Variants in ANO1 observed in about 807,000 individuals in gnomAD.
The protein encoded by ANO1 is anoctamin-1.
In ANO1, 59 loss-of-function variants were observed where a neutral mutation model predicts 124.0. The observed-to-expected ratio is 0.48, with a 90% CI of 0.39 to 0.59. The LOEUF is 0.59. Ranked by LOEUF, ANO1 falls within the 20% of genes least tolerant of loss-of-function variation. The probability of loss-of-function intolerance (pLI) is 0.00; values close to 1 mark genes in which losing one functional copy is unlikely to be tolerated. For synonymous variants in ANO1, 529 were observed against 532.0 expected (o/e 0.99, Z 0.08); for missense variants, 1,059 against 1,328.0 (o/e 0.80, Z 3.15).
chr11:70,145,308 A>G (rs543547816), intron 11 of ANO1, among the ~76,000 whole-genome samples: 2 of 152,274 alleles, frequency 1.3e-5, no homozygotes, highest in East Asian at 1.9e-4. Flanking sequence ...AAAGCCAGAC[A>G]ATAGGGCATG....
intron 1 of ANO1, among the ~76,000 whole-genome samples, chr11:70,004,414 A>C (rs1471850628): frequency 1.3e-5 from 2 of 152,238 alleles, no homozygotes; most frequent in African/African-American, 4.8e-5. Flanking sequence ...GGACCATCTC[A>C]TGACTAGTCA....
intron 1 of ANO1, among the ~76,000 whole-genome samples, chr11:70,014,132 G>A (rs1856654575): frequency 6.6e-6 from 1 of 152,042 alleles, no homozygotes; most frequent in African/African-American, 2.4e-5. Flanking sequence ...TCCAAATACA[G>A]TTCCATTGCG....
intron 22 of ANO1, among the ~76,000 whole-genome samples, chr11:70,172,132 A>AAAGAAAAG (rs1555052151): frequency 2.8e-5 from 4 of 141,662 alleles, no homozygotes; most frequent in Non-Finnish European, 4.6e-5. Flanking sequence ...AAAAAAAAAA[A>AAAGAAAAG]AAAAGAAAAG....
At chr11:70,138,662 C>T (rs896383895) in intron 11 of ANO1, among the ~76,000 whole-genome samples, 1 of 152,188 alleles carries the variant, frequency 6.6e-6, no homozygotes, top group Non-Finnish European at 1.5e-5. Flanking sequence ...GATGAACAAA[C>T]TAGGGCAACC....
At chr11:70,001,251 A>ATAGAATGAT (rs1856377373) in intron 1 of ANO1, among the ~76,000 whole-genome samples, 4 of 152,320 alleles carry the variant, frequency 2.6e-5, no homozygotes, top group African/African-American at 9.6e-5. Flanking sequence ...TACATTCTAA[A>ATAGAATGAT]TAGAATGCTC....
At chr11:70,063,161 C>G (rs1857633108) in intron 1 of ANO1, among the ~76,000 whole-genome samples, 1 of 152,204 alleles carries the variant, frequency 6.6e-6, no homozygotes, top group African/African-American at 2.4e-5. Context: ...AAACTCCTGA[C>G]CTCGTGATCC....
intron 23 of ANO1, among the ~76,000 whole-genome samples, chr11:70,180,462 G>A (rs555763211): frequency 6.6e-6 from 1 of 152,184 alleles, no homozygotes; most frequent in East Asian, 1.9e-4. Context: ...TAGTAGAGAC[G>A]GGGTTTTGAC....
chr11:70,149,607 G>A lies in ANO1; in HGVS notation c.1259-103G>A, dbSNP rs191443227. The A allele has an allele frequency of 2.8e-5, 33 of 1,194,414 alleles. 1 individual carries two copies. Among genetic ancestry groups the A allele is most frequent in the Middle Eastern group, 2.3e-4 (1 of 4,258 alleles). The allele number at this position is 1,194,414 out of a possible 1,614,324, so 74.0% of individuals were successfully genotyped here. ...CGAGATTGCAGTGGGTGGAGATTGC[G>A]CCATTGCACTACAGCCTGGGCAACA... is the stretch of plus-strand genomic sequence containing the variant. On this transcript the variant is annotated intron_variant, in intron 11 of 25. Transcript: ENST00000355303.
intron 11 of ANO1, among the ~76,000 whole-genome samples, chr11:70,147,333 C>T (rs971127718): frequency 2.0e-5 from 3 of 152,194 alleles, no homozygotes; most frequent in African/African-American, 4.8e-5. Context: ...GAGACCTCCC[C>T]GCATTGCCTC....
chr11:70,156,026 G>A (rs1305499211), intron 15 of ANO1, 38 bp downstream of exon 15: 3 of 1,444,334 alleles, frequency 2.1e-6, no homozygotes, highest in Non-Finnish European at 1.8e-6. Context: ...CGTCTTGACT[G>A]TTTGCAGGCA....
At chr11:70,094,542 A>G (rs540302018) in intron 2 of ANO1, among the ~76,000 whole-genome samples, 1 of 152,174 alleles carries the variant, frequency 6.6e-6, no homozygotes, top group Admixed American at 6.5e-5. Context: ...TCAGTTCCCC[A>G]CTCCGTGTGG....
intron 19 of ANO1, 127 bp from the exon 20 acceptor site, chr11:70,165,343 T>A: frequency 1.3e-6 from 1 of 754,356 alleles, no homozygotes; most frequent in Non-Finnish European, 2.2e-6. Context: ...TGGCGGGGAT[T>A]AGAACCTGAG....
At chr11:70,175,015 C>A (rs922042820) in intron 22 of ANO1, among the ~76,000 whole-genome samples, 1 of 152,216 alleles carries the variant, frequency 6.6e-6, no homozygotes, top group Non-Finnish European at 1.5e-5. Flanking sequence ...CCCACCCCCG[C>A]CCGCCACCTG....
At chr11:70,113,759 A>G (rs530224982) in intron 7 of ANO1, among the ~76,000 whole-genome samples, 12 of 152,206 alleles carry the variant, frequency 7.9e-5, no homozygotes, top group African/African-American at 2.9e-4. Context: ...AACGTATCTG[A>G]GCACCTACTG....
intron 21 of ANO1, 91 bp downstream of exon 21, chr11:70,167,478 C>T: frequency 6.8e-7 from 1 of 1,481,436 alleles, no homozygotes; most frequent in Non-Finnish European, 9.0e-7. Context: ...GGGCATGATG[C>T]CCCCAACCCT....
At chr11:70,141,111 T>C (rs2047138397) in intron 11 of ANO1, among the ~76,000 whole-genome samples, 1 of 152,152 alleles carries the variant, frequency 6.6e-6, no homozygotes, top group African/African-American at 2.4e-5. Context: ...TGGTCCCACC[T>C]CTCTGTCCAA....
Position 70,131,961 on chromosome 11 carries a change from G to T in ANO1, c.1140G>T (p.Pro380=), listed in dbSNP as rs745644830. The change falls in exon 11 of 26, where the codon CCG becomes CCT. Residue 380 remains proline, a synonymous_variant. Transcript: ENST00000355303. ...AGAGACACAATATCACCATGTGCCCGCTTTGCGACAAGACCTGCAGCTACT... is the reference window on the plus strand; with the variant it reads ...AGAGACACAATATCACCATGTGCCCTCTTTGCGACAAGACCTGCAGCTACT... ...CDQRHNITMC[P]LCDKTCSYWK... 1.2e-6 allele frequency: 2 copies of T among 1,609,832 alleles called. No homozygotes were observed. Among genetic ancestry groups the T allele is most frequent in the Admixed American group, 1.7e-5 (1 of 59,952 alleles).
At chr11:70,182,878 G>A (rs911407228) in intron 24 of ANO1, among the ~76,000 whole-genome samples, 192 bp downstream of exon 24, 3 of 152,096 alleles carry the variant, frequency 2.0e-5, no homozygotes, top group African/African-American at 7.2e-5. Context: ...GGAGGGCCAG[G>A]CAGGAGGATC....
chr11:70,007,009 C>A (rs1346662737), intron 1 of ANO1, among the ~76,000 whole-genome samples: 1 of 152,076 alleles, frequency 6.6e-6, no homozygotes, highest in Non-Finnish European at 1.5e-5. Context: ...ATAGTATTAA[C>A]TGTATGCACA....
Sources: gnomAD v4.1 joint callset for allele counts (sites outside exome capture counted in the v4.1 genomes callset) on GRCh38, gnomAD v4.1.1 for gene constraint, MANE v1.5 for transcripts, NCBI Gene and HGNC (gene_info 2026-07-23, HGNC 2026-07-21) for gene names.